MSRA: variants seen among roughly 807,000 people sequenced by gnomAD.
MSRA encodes the protein mitochondrial peptide methionine sulfoxide reductase.
A neutral mutation model predicts 31.3 loss-of-function variants in MSRA; 54 were observed. The ratio of observed to expected loss-of-function variants is 1.73; its 90% CI spans 1.39 to 2.17. MSRA has a LOEUF of 2.17. Among genes scored for constraint, MSRA ranks in the 30% most tolerant of loss-of-function variants. MSRA has a pLI of 0.00. For missense variants in MSRA, 507 were observed against 300.9 expected, an observed-to-expected ratio of 1.69 and a Z score of -5.07; for synonymous variants, 169 against 116.5, an observed-to-expected ratio of 1.45 and a Z score of -2.90.
chr8:10,386,517 T>G lies in MSRA; in HGVS notation c.544-41631T>G, dbSNP rs1051963440. On this transcript the variant is annotated intron_variant, in intron 5 of 5. Coordinates refer to ENST00000317173, the MANE Select transcript of MSRA (RefSeq NM_012331.5). ...TTTCAAGGCCGTGAACCTTCAAATC[T>G]GTGTTTGTAAAGGCTATATATGGTC... Among the ~76,000 whole-genome samples the G allele has an allele frequency of 5.9e-4, 90 of 152,206 alleles. 1 individual carries two copies. The highest frequency in any genetic ancestry group is 2.4e-4 in the Non-Finnish European group (16 of 68,028).
At chr8:10,238,774 C>G (rs1355000945) in intron 2 of MSRA, among the ~76,000 whole-genome samples, 1 of 152,112 alleles carries the variant, frequency 6.6e-6, no homozygotes, top group Non-Finnish European at 1.5e-5. Flanking sequence ...TATGGTCTAA[C>G]AACCTAAAAT....
At chr8:10,187,689 A>G (rs1170463376) in intron 1 of MSRA, among the ~76,000 whole-genome samples, 2 of 152,214 alleles carry the variant, frequency 1.3e-5, no homozygotes, top group African/African-American at 4.8e-5. Flanking sequence ...ACCGGCAGGC[A>G]ATAGTTATTT....
At chr8:10,244,989 C>A in intron 2 of MSRA, 115 bp from the exon 3 acceptor site, 2 of 845,208 alleles carry the variant, frequency 2.4e-6, no homozygotes, top group Non-Finnish European at 3.4e-6. Flanking sequence ...TTTTGGTTAT[C>A]AAATGACAGG....
chr8:10,402,751 G>C (rs1807544873), intron 5 of MSRA, among the ~76,000 whole-genome samples: 1 of 152,204 alleles, frequency 6.6e-6, no homozygotes, highest in Non-Finnish European at 1.5e-5. Context: ...CAAAAGTATA[G>C]TGCAGTGATA....
intron 1 of MSRA, among the ~76,000 whole-genome samples, chr8:10,071,723 T>G (rs1277098762): frequency 6.6e-6 from 1 of 152,208 alleles, no homozygotes; most frequent in Admixed American, 6.5e-5. Flanking sequence ...GAGGTTCATT[T>G]GTGTCAAACA....
chr8:10,255,297 G>A (rs890167796), intron 3 of MSRA, among the ~76,000 whole-genome samples: 1 of 152,342 alleles, frequency 6.6e-6, no homozygotes, highest in Non-Finnish European at 1.5e-5. Context: ...GCTGTGCAGA[G>A]GGAAGGGGCC....
chr8:10,290,907 C>T (rs985888766), intron 3 of MSRA, among the ~76,000 whole-genome samples: 11 of 152,254 alleles, frequency 7.2e-5, no homozygotes, highest in African/African-American at 2.6e-4. Context: ...CTGCCTGTTT[C>T]GCAGCAGAGT....
chr8:10,074,874 G>T (rs1797927744), intron 1 of MSRA, among the ~76,000 whole-genome samples: 1 of 152,048 alleles, frequency 6.6e-6, no homozygotes. Context: ...GGCCAGGCTG[G>T]TCTTGAACTC....
chr8:10,345,125 A>G (rs978895235), intron 5 of MSRA, among the ~76,000 whole-genome samples: 2 of 152,084 alleles, frequency 1.3e-5, no homozygotes, highest in Non-Finnish European at 2.9e-5. Context: ...CTGAACCCCA[A>G]TTCCAAGAGC....
chr8:10,210,863 A>G (rs954699747), intron 2 of MSRA, among the ~76,000 whole-genome samples: 9 of 151,486 alleles, frequency 5.9e-5, no homozygotes, highest in African/African-American at 2.2e-4. Flanking sequence ...CCTCCCAAGT[A>G]GCTGGGATTA....
At chr8:10,365,937 C>T (rs748181603) in intron 5 of MSRA, among the ~76,000 whole-genome samples, 4 of 152,190 alleles carry the variant, frequency 2.6e-5, no homozygotes, top group African/African-American at 7.2e-5. Context: ...CTTGACTAGT[C>T]AATGGGGCTG....
chr8:10,143,706 G>T (rs191683553), intron 1 of MSRA, among the ~76,000 whole-genome samples: 65 of 152,236 alleles, frequency 4.3e-4, no homozygotes, highest in Non-Finnish European at 8.4e-4. Context: ...AGAATTCCAA[G>T]CAAGAGGGCC....
chr8:10,273,235 C>T (rs2975661), intron 3 of MSRA, among the ~76,000 whole-genome samples: 194 of 152,262 alleles, frequency 1.3e-3, no homozygotes, highest in Non-Finnish European at 2.0e-3. Flanking sequence ...AAATGGTATT[C>T]TTCCAACTTA....
intron 5 of MSRA, among the ~76,000 whole-genome samples, chr8:10,323,913 T>A (rs978195793): frequency 1.3e-5 from 2 of 152,206 alleles, no homozygotes; most frequent in African/African-American, 4.8e-5. Flanking sequence ...TTACTGCATA[T>A]AAACTGCTTA....
In MSRA at chr8:10,376,501, C is replaced by G. The variant is rs186052825; in HGVS notation, c.544-51647C>G. 2.4e-3 allele frequency among the ~76,000 whole-genome samples: 371 copies of G among 152,290 alleles called. 3 individuals are homozygous for G. The highest frequency in any genetic ancestry group is 7.8e-3 in the African/African-American group (326 of 41,562). ...TTGCTGCTCTGCCTTGCCTCAGTTT[C>G]CCAATCTCTACAATAAGGGTAATGA... On this transcript the variant is annotated intron_variant, in intron 5 of 5. Transcript: ENST00000317173.
chr8:10,058,583 T>C (rs1326727867), intron 1 of MSRA, among the ~76,000 whole-genome samples: 1 of 152,200 alleles, frequency 6.6e-6, no homozygotes, highest in East Asian at 1.9e-4. Context: ...CTACCAAATA[T>C]TTAAAGAGCA....
chr8:10,400,173 C>T (rs1038626143), intron 5 of MSRA, among the ~76,000 whole-genome samples: 6 of 151,780 alleles, frequency 4.0e-5, no homozygotes, highest in Non-Finnish European at 7.4e-5. Flanking sequence ...TTGCATGTTA[C>T]GTGATCACTC....
At chr8:10,426,032 C>T (rs1286814973) in intron 5 of MSRA, among the ~76,000 whole-genome samples, 1 of 152,184 alleles carries the variant, frequency 6.6e-6, no homozygotes, top group African/African-American at 2.4e-5. Context: ...TATTCCATTT[C>T]CACAGCCACC....
chr8:10,208,579 T>C (rs1303741798), intron 2 of MSRA, among the ~76,000 whole-genome samples: 1 of 152,042 alleles, frequency 6.6e-6, no homozygotes, highest in East Asian at 1.9e-4. Context: ...CTCCATTCTT[T>C]CCTTCCTTAC....
Sources: gnomAD v4.1 joint callset for allele counts (sites outside exome capture counted in the v4.1 genomes callset) on GRCh38, gnomAD v4.1.1 for gene constraint, MANE v1.5 for transcripts, NCBI Gene and HGNC (gene_info 2026-07-23, HGNC 2026-07-21) for gene names.